The following UIMC1 variants were observed in gnomAD, a reference collection of about 807,000 sequenced individuals.
The protein encoded by UIMC1 is ubiquitin interaction motif containing 1.
Under a neutral mutation model 84.9 loss-of-function variants are expected in UIMC1, and 42 were observed. That is an observed-to-expected ratio of 0.49 (90% CI 0.39 to 0.64). UIMC1 has a LOEUF of 0.64. UIMC1 is among the 30% of genes least tolerant of loss of function. UIMC1 has a pLI of 0.00. For synonymous variants in UIMC1, 281 were observed against 293.0 expected (o/e 0.96, Z 0.42); for missense variants, 825 against 847.6 (o/e 0.97, Z 0.33).
At chr5:176,953,515 C>CACACACACAT (rs1295087197) in intron 8 of UIMC1, among the ~76,000 whole-genome samples, 43 of 151,618 alleles carry the variant, frequency 2.8e-4, no homozygotes, top group African/African-American at 9.9e-4. Context: ...CACACACACA[C>CACACACACAT]ACACACACAC....
intron 2 of UIMC1, among the ~76,000 whole-genome samples, chr5:176,981,562 A>G (rs1210084251): frequency 6.6e-6 from 1 of 152,094 alleles, no homozygotes; most frequent in African/African-American, 2.4e-5. Context: ...GCACCTCAGG[A>G]GGCCTAGGCA....
chr5:177,020,484 G>A (rs1775764987), intron 1 of UIMC1, among the ~76,000 whole-genome samples: 1 of 152,198 alleles, frequency 6.6e-6, no homozygotes, highest in African/African-American at 2.4e-5. Context: ...AGGATGGAGT[G>A]CAGTGGCACG....
At chr5:176,954,747 CAAAAAAAAAAAA>C (rs79682515) in intron 8 of UIMC1, among the ~76,000 whole-genome samples, 1 of 63,998 alleles carries the variant, frequency 1.6e-5, no homozygotes, top group Non-Finnish European at 3.2e-5. Context: ...AACTCTGTCT[CAAAAAAAAAAAA>C]AAAAGAAAAA....
rs745592220 is a variant in UIMC1, at chr5:176,905,435, G to T, written c.2007C>A (p.Phe669Leu). 1.9e-6 allele frequency: 3 copies of T among 1,614,136 alleles called. No individual in the cohort carries two copies. Among genetic ancestry groups the T allele is most frequent in the Non-Finnish European group, 2.5e-6 (3 of 1,180,004 alleles). ...GAGATTCATTTAAGTCACGACGTGTGAAAGAACTCTGCATCTCTCTGCTGC... is the reference window on the plus strand; with the variant it reads ...GAGATTCATTTAAGTCACGACGTGTTAAAGAACTCTGCATCTCTCTGCTGC... Reference protein sequence around the residue: ...AGCSREMQSSFTRRDLNESPV... With the variant: ...AGCSREMQSSLTRRDLNESPV... The change falls in exon 15 of 15, where the codon TTC (phenylalanine) becomes TTA (leucine). Residue 669 changes from phenylalanine (F) to leucine (L), a missense_variant. Coordinates refer to ENST00000511320, the MANE Select transcript of UIMC1 (RefSeq NM_001199298.2).
chr5:176,990,843 T>A (rs921809284), intron 1 of UIMC1, among the ~76,000 whole-genome samples: 1 of 151,796 alleles, frequency 6.6e-6, no homozygotes, highest in African/African-American at 2.4e-5. Flanking sequence ...TCAGCTAATT[T>A]TTTTTTTTAA....
In UIMC1 at chr5:176,913,872, G is replaced by A. The variant is rs138354362; in HGVS notation, c.1598-2483C>T. 9.1e-3 allele frequency among the ~76,000 whole-genome samples: 1,384 copies of A among 152,316 alleles called. 8 individuals carry two copies. The highest frequency in any genetic ancestry group is 0.025 in the South Asian group (121 of 4,824). ...CTTGCCTGTAGTCCCAGCTACTCAG[G>A]AAGCTGAGGTGGGAGGATCGCCTGA... On this transcript the variant is annotated intron_variant, in intron 10 of 14. Transcript: ENST00000511320.
intron 10 of UIMC1, among the ~76,000 whole-genome samples, chr5:176,913,840 G>A (rs1760581414): frequency 6.6e-6 from 1 of 152,148 alleles, no homozygotes; most frequent in Non-Finnish European, 1.5e-5. Flanking sequence ...TAGCCAGCAT[G>A]GTGGTGCTTG....
intron 10 of UIMC1, among the ~76,000 whole-genome samples, chr5:176,920,070 G>A (rs1425493216): frequency 1.3e-5 from 2 of 152,116 alleles, no homozygotes; most frequent in Non-Finnish European, 2.9e-5. Context: ...TGCCCAGGCT[G>A]GAGTGCAATG....
chr5:176,908,765 T>A (rs1331660291), intron 11 of UIMC1, 71 bp from the exon 12 acceptor site: 1 of 1,519,312 alleles, frequency 6.6e-7, no homozygotes, highest in Non-Finnish European at 8.9e-7. Flanking sequence ...CCTGGATATG[T>A]CTCAAATTGT....
intron 1 of UIMC1, among the ~76,000 whole-genome samples, chr5:177,002,375 A>G (rs1211596131): frequency 6.6e-6 from 1 of 152,324 alleles, no homozygotes; most frequent in African/African-American, 2.4e-5. Flanking sequence ...ACTGATTGGG[A>G]AAGACACAAG....
intron 9 of UIMC1, among the ~76,000 whole-genome samples, chr5:176,948,618 T>G (rs964737001): frequency 6.6e-6 from 1 of 152,240 alleles, no homozygotes; most frequent in Admixed American, 6.5e-5. Context: ...ACCCTCTGAG[T>G]GCAGGGACTG....
intron 10 of UIMC1, among the ~76,000 whole-genome samples, chr5:176,931,769 G>A (rs949386642): frequency 1.3e-5 from 2 of 152,104 alleles, no homozygotes; most frequent in African/African-American, 2.4e-5. Flanking sequence ...GATGGATCAC[G>A]AAGTCAGGAG....
At chr5:176,911,205 T>C (rs1581342435) in intron 11 of UIMC1, 106 bp downstream of exon 11, 2 of 832,728 alleles carry the variant, frequency 2.4e-6, no homozygotes. Flanking sequence ...AATGAAGCAA[T>C]TGGCAGGCCA....
At chr5:176,973,204 C>A (rs1001174037) in intron 3 of UIMC1, among the ~76,000 whole-genome samples, 16 of 152,084 alleles carry the variant, frequency 1.1e-4, no homozygotes, top group African/African-American at 3.9e-4. Flanking sequence ...GCATGAGCCA[C>A]TGGGCATGGC....
At chr5:176,984,631 G>A (rs1359578381) in intron 1 of UIMC1, among the ~76,000 whole-genome samples, 1 of 151,718 alleles carries the variant, frequency 6.6e-6, no homozygotes, top group East Asian at 1.9e-4. Context: ...TGATGACGAT[G>A]GCGGTTTTGT....
chr5:176,949,043 T>C (rs988790778), intron 9 of UIMC1, among the ~76,000 whole-genome samples: 1 of 152,088 alleles, frequency 6.6e-6, no homozygotes, highest in African/African-American at 2.4e-5. Context: ...AGTCATTCTT[T>C]TAATGTGTAA....
intron 10 of UIMC1, among the ~76,000 whole-genome samples, chr5:176,920,443 G>C (rs1301462480): frequency 6.6e-6 from 1 of 152,106 alleles, no homozygotes; most frequent in Admixed American, 6.5e-5. Context: ...ATTTATTTAG[G>C]TCTTATTTAA....
chr5:176,907,312 C>A, intron 12 of UIMC1, 135 bp from the exon 13 acceptor site: 2 of 792,248 alleles, frequency 2.5e-6, no homozygotes, highest in Non-Finnish European at 4.0e-6. Context: ...CTTTTGCTTT[C>A]TAATAAACGA....
chr5:176,912,639 A>AT (rs1236876424), intron 10 of UIMC1, among the ~76,000 whole-genome samples: 1 of 150,552 alleles, frequency 6.6e-6, no homozygotes, highest in Non-Finnish European at 1.5e-5. Context: ...TGCCTGGCTA[A>AT]TTTTTTATAT....
Sources: gnomAD v4.1 joint callset for allele counts (sites outside exome capture counted in the v4.1 genomes callset) on GRCh38, gnomAD v4.1.1 for gene constraint, MANE v1.5 for transcripts, NCBI Gene and HGNC (gene_info 2026-07-23, HGNC 2026-07-21) for gene names.